NUDT4: variants seen among roughly 807,000 people sequenced by gnomAD.
NUDT4 encodes the protein nudix hydrolase 4.
A neutral mutation model predicts 23.1 loss-of-function variants in NUDT4; 5 were observed. That is an observed-to-expected ratio of 0.22 (90% CI 0.11 to 0.46). The LOEUF (loss-of-function observed/expected upper bound fraction) is 0.46, where lower values mean the gene tolerates loss of function less well. NUDT4 is among the 20% of genes least tolerant of loss of function. The pLI is 0.99. For synonymous variants in NUDT4, 50 were observed against 79.0 expected, an observed-to-expected ratio of 0.63 and a Z score of 1.95; for missense variants, 96 against 211.6, an observed-to-expected ratio of 0.45 and a Z score of 3.39.
intron 1 of NUDT4, among the ~76,000 whole-genome samples, chr12:93,380,186 C>A (rs994889326): frequency 6.6e-6 from 1 of 152,064 alleles, no homozygotes; most frequent in Non-Finnish European, 1.5e-5. Flanking sequence ...GTTTGGAAGC[C>A]TATCTGAAAG....
chr12:93,394,807 A>G (rs2120947901), intron 2 of NUDT4, 88 bp downstream of exon 2: 2 of 726,834 alleles, frequency 2.8e-6, no homozygotes, highest in South Asian at 3.6e-5. Flanking sequence ...AGACGGGTCC[A>G]GGAGTGCTTT....
intron 1 of NUDT4, chr12:93,384,981 G>A (rs970771251): frequency 3.9e-5 from 6 of 152,026 alleles, no homozygotes; most frequent in African/African-American, 1.4e-4. Context: ...TGTATTTTTA[G>A]TCACCATGTT....
chr12:93,394,294 G>A (rs938401347), intron 1 of NUDT4, among the ~76,000 whole-genome samples: 6 of 152,018 alleles, frequency 3.9e-5, no homozygotes, highest in South Asian at 2.1e-4. Flanking sequence ...GAGCCACCGC[G>A]CCCAGCCAAG....
In NUDT4 at chr12:93,406,979, C is replaced by T. The variant is rs931154811; in HGVS notation, c.*7600C>T. 6.6e-6 allele frequency: 1 copy of T among 152,208 alleles called. No homozygotes were observed. The highest frequency in any genetic ancestry group is 1.5e-5 in the Non-Finnish European group (1 of 68,044). 9.4% of individuals were successfully genotyped at this position (152,208 alleles called of 1,614,324 possible). A position where few individuals can be genotyped will look rare whatever the true frequency, so the allele number is the denominator to read the frequency against. Reference sequence around the variant, plus strand: ...AAGTCAAAAAACATAAAGCTCCTATCAACACCTCAAGATTTTAGAAAAGCC... The same window carrying T: ...AAGTCAAAAAACATAAAGCTCCTATTAACACCTCAAGATTTTAGAAAAGCC... On this transcript the variant is annotated 3_prime_UTR_variant, in exon 5 of 5. Coordinates refer to ENST00000415493, the MANE Select transcript of NUDT4 (RefSeq NM_019094.6).
In NUDT4 at chr12:93,391,630, G is replaced by A. The variant is rs1042373421; in HGVS notation, c.100-2979G>A. Among the ~76,000 whole-genome samples the A allele has an allele frequency of 2.0e-5, 3 of 151,784 alleles. No homozygotes were observed. In the East Asian group the frequency reaches 5.8e-4, roughly 29 times the overall value. ...TGGGTGCCTGTACTCCCAACTGCTC[G>A]GGAAGCTGGAGTGAGAGGATCACTT... On this transcript the variant is annotated intron_variant, in intron 1 of 4. Coordinates refer to ENST00000415493, the MANE Select transcript of NUDT4 (RefSeq NM_019094.6).
chr12:93,392,248 C>A (rs995137502), intron 1 of NUDT4, among the ~76,000 whole-genome samples: 234 of 137,686 alleles, frequency 1.7e-3, no homozygotes, highest in African/African-American at 5.7e-3. Flanking sequence ...TTGTTTCCCC[C>A]CCCCCCTTTT....
intron 1 of NUDT4, chr12:93,380,844 A>G (rs1355984226): frequency 6.6e-6 from 1 of 152,236 alleles, no homozygotes; most frequent in Non-Finnish European, 1.5e-5. Flanking sequence ...TCTAGTTAAT[A>G]GGTGAGAAAT....
chr12:93,383,188 A>C (rs1252404044), intron 1 of NUDT4, among the ~76,000 whole-genome samples: 1 of 152,120 alleles, frequency 6.6e-6, no homozygotes, highest in Non-Finnish European at 1.5e-5. Context: ...ATCCATGGTC[A>C]ACCTGATTTA....
intron 1 of NUDT4, among the ~76,000 whole-genome samples, chr12:93,379,666 A>G (rs11107002): frequency 0.12 from 18,199 of 152,156 alleles, 1,488 homozygotes; most frequent in East Asian, 0.43. Flanking sequence ...TTGAATCCCA[A>G]ACGAGTGTGC....
At position 93,402,768 on chromosome 12, in the gene NUDT4, T is replaced by G. The variant is rs1027736954; in HGVS notation, c.*3389T>G. The G allele has an allele frequency of 6.6e-6, 1 of 152,214 alleles. No homozygotes were observed. Among genetic ancestry groups the G allele is most frequent in the African/African-American group, 2.4e-5 (1 of 41,454 alleles). The allele number at this position is 152,214 out of a possible 1,614,324, so 9.4% of individuals were successfully genotyped here. A position where few individuals can be genotyped will look rare whatever the true frequency, so the allele number is the denominator to read the frequency against. On this transcript the variant is annotated 3_prime_UTR_variant, in exon 5 of 5. Coordinates refer to ENST00000415493, the MANE Select transcript of NUDT4 (RefSeq NM_019094.6). ...GAGCTCTTGACTTACTCTAGAATTCTAATACAGATACTTTCTGCACTAGTA... is the reference window on the plus strand; with the variant it reads ...GAGCTCTTGACTTACTCTAGAATTCGAATACAGATACTTTCTGCACTAGTA...
chr12:93,387,195 G>A (rs1441697730), intron 1 of NUDT4, among the ~76,000 whole-genome samples: 1 of 152,110 alleles, frequency 6.6e-6, no homozygotes, highest in Non-Finnish European at 1.5e-5. Flanking sequence ...GCCTCCCAAA[G>A]TGCTGGGATT....
intron 1 of NUDT4, among the ~76,000 whole-genome samples, chr12:93,383,791 C>T (rs1013930265): frequency 2.9e-4 from 44 of 152,200 alleles, no homozygotes; most frequent in Non-Finnish European, 6.3e-4. Context: ...GAGATTGCGC[C>T]ACTGCACTCC....
intron 1 of NUDT4, among the ~76,000 whole-genome samples, chr12:93,386,716 G>A (rs920567956): frequency 9.2e-5 from 14 of 152,012 alleles, no homozygotes; most frequent in African/African-American, 3.4e-4. Context: ...CAAAATTTAT[G>A]TAAGAAACAA....
chr12:93,378,664 C>A, intron 1 of NUDT4: 1 of 1,183,280 alleles, frequency 8.5e-7, no homozygotes, highest in Non-Finnish European at 1.0e-6. Context: ...CTCGAGAAGG[C>A]GCCTGGTCCC....
intron 1 of NUDT4, among the ~76,000 whole-genome samples, chr12:93,385,581 A>G (rs1875997204): frequency 6.6e-6 from 1 of 152,120 alleles, no homozygotes. Flanking sequence ...ATGAGCTTTT[A>G]TAACCCATCT....
At chr12:93,383,874 T>A (rs932507725) in intron 1 of NUDT4, among the ~76,000 whole-genome samples, 1 of 152,070 alleles carries the variant, frequency 6.6e-6, no homozygotes, top group Non-Finnish European at 1.5e-5. Context: ...TAGCTACAAT[T>A]TTCATAATAA....
Position 93,377,977 on chromosome 12 carries a change from C to T in NUDT4, c.-346C>T, listed in dbSNP as rs1027301799. 9.6e-5 allele frequency: 23 copies of T among 239,228 alleles called. No individual in the cohort carries two copies. Among genetic ancestry groups the T allele is most frequent in the African/African-American group, 4.7e-4 (20 of 42,588 alleles). The allele number at this position is 239,228 out of a possible 1,614,324, so 14.8% of individuals were successfully genotyped here. ...GAGCGGGTCTTCGCAACTGTCTCCG[C>T]GTGGCGCGCGCCTCTAGCCGCCCTT... On this transcript the variant is annotated 5_prime_UTR_variant, in exon 1 of 5. Coordinates refer to ENST00000415493, the MANE Select transcript of NUDT4 (RefSeq NM_019094.6).
rs1201177190 is a variant in NUDT4, at chr12:93,394,675, G to A, written c.166G>A (p.Glu56Lys). ...TGTCCCAGGAGGAGGAATGGAACCCGAGGAGGAACCTGGCGGTGCTGCCGT... is the reference window on the plus strand; with the variant it reads ...TGTCCCAGGAGGAGGAATGGAACCCAAGGAGGAACCTGGCGGTGCTGCCGT... ...WIVPGGGMEP[E>K]EEPGGAAVRE... is the part of the protein sequence containing the mutation. The change falls in exon 2 of 5, where the codon GAG (glutamate) becomes AAG (lysine). Residue 56 changes from glutamate (E) to lysine (K), a missense_variant. Glu to Lys is a moderately conservative substitution (Grantham distance 56). Coordinates refer to ENST00000415493, the MANE Select transcript of NUDT4 (RefSeq NM_019094.6). 4 of 1,555,910 alleles carry A rather than the reference G, an allele frequency of 2.6e-6. No individual in the cohort carries two copies. The highest frequency in any genetic ancestry group is 1.9e-5 in the Admixed American group (1 of 51,558).
Position 93,400,125 on chromosome 12 carries a change from CTG to C in NUDT4, c.*748_*749del, listed in dbSNP as rs1313249239. Reference sequence around the variant, plus strand: ...ATGTAGTAAAGACATCTTATGAAAACTGTATTCATGGAATTTGATTTAGCATG... The same window carrying C: ...ATGTAGTAAAGACATCTTATGAAAACTATTCATGGAATTTGATTTAGCATG... On this transcript the variant is annotated 3_prime_UTR_variant, in exon 5 of 5. Coordinates refer to ENST00000415493, the MANE Select transcript of NUDT4 (RefSeq NM_019094.6). The C allele has an allele frequency of 1.0e-4, 15 of 149,832 alleles. No homozygotes were observed. In the Admixed American group the frequency reaches 1.0e-3, roughly 10 times the overall value. The allele number at this position is 149,832 out of a possible 1,614,324, so 9.3% of individuals were successfully genotyped here.
Sources: gnomAD v4.1 joint callset for allele counts (sites outside exome capture counted in the v4.1 genomes callset) on GRCh38, gnomAD v4.1.1 for gene constraint, MANE v1.5 for transcripts, NCBI Gene and HGNC (gene_info 2026-07-23, HGNC 2026-07-21) for gene names.